Variants in FAM234B observed in about 807,000 individuals in gnomAD.
FAM234B encodes the protein protein FAM234B.
FAM234B carries 33 observed loss-of-function variants against 69.3 expected under a neutral mutation model. The ratio of observed to expected loss-of-function variants is 0.48; its 90% CI spans 0.36 to 0.64. The LOEUF (loss-of-function observed/expected upper bound fraction) is 0.64, where lower values mean the gene tolerates loss of function less well. FAM234B is among the 30% of genes least tolerant of loss of function. The probability of loss-of-function intolerance (pLI) is 0.00; values close to 1 mark genes in which losing one functional copy is unlikely to be tolerated. For missense variants in FAM234B, 697 were observed against 769.7 expected, an observed-to-expected ratio of 0.91 and a Z score of 1.12; for synonymous variants, 306 against 306.9, an observed-to-expected ratio of 1.00 and a Z score of 0.03.
chr12:13,069,679 A>G (rs985479490), intron 9 of FAM234B, among the ~76,000 whole-genome samples: 1 of 152,106 alleles, frequency 6.6e-6, no homozygotes, highest in Non-Finnish European at 1.5e-5. Flanking sequence ...AGAGCAGAGA[A>G]AAGGTTTGCT....
At position 13,067,131 on chromosome 12, in the gene FAM234B, G is replaced by T. The variant is rs778837714; in HGVS notation, c.1001-24G>T. On this transcript the variant is annotated intron_variant, in intron 6 of 12. Transcript: ENST00000197268. This position sits in a 1 kb window ranked among gnomAD's most constrained non-coding sequence, Gnocchi z 4.7. The stretch of plus-strand genomic sequence containing the variant: ...CAGTTCTGTTAAATTCAACTTCTCA[G>T]TGTTGGTTCTTCTGTGGTGCTAGGA... The T allele has an allele frequency of 6.2e-7, 1 of 1,613,788 alleles. No individual in the cohort carries two copies. The highest frequency in any genetic ancestry group is 2.2e-5 in the East Asian group (1 of 44,878).
rs1035425714 is a variant in FAM234B, at chr12:13,067,957, T to C, written c.1143-347T>C. Reference sequence around the variant, plus strand: ...TGCCATGGGCTGCTGCCCAAGCTCATTGGCAACCTCTGGCCTCCTGTCCAG... The same window carrying C: ...TGCCATGGGCTGCTGCCCAAGCTCACTGGCAACCTCTGGCCTCCTGTCCAG... On this transcript the variant is annotated intron_variant, in intron 7 of 12. Coordinates refer to ENST00000197268, the MANE Select transcript of FAM234B (RefSeq NM_020853.2). This position sits in a 1 kb window ranked among gnomAD's most constrained non-coding sequence, Gnocchi z 4.7. Among the ~76,000 whole-genome samples, 9 of 152,218 alleles carry C rather than the reference T, an allele frequency of 5.9e-5. No individual in the cohort carries two copies. The highest frequency in any genetic ancestry group is 8.8e-5 in the Non-Finnish European group (6 of 68,044).
chr12:13,071,458 G>T, intron 10 of FAM234B, 62 bp downstream of exon 10: 1 of 1,463,530 alleles, frequency 6.8e-7, no homozygotes, highest in South Asian at 1.1e-5. Context: ...GTGCAGGGCT[G>T]ACTGTGTTCT....
intron 1 of FAM234B, among the ~76,000 whole-genome samples, chr12:13,050,812 G>T (rs753418010): frequency 6.6e-6 from 1 of 152,098 alleles, no homozygotes; most frequent in South Asian, 2.1e-4. Flanking sequence ...CAGTGCCTGG[G>T]ACAGTAGGCA....
chr12:13,067,305 G>A lies in FAM234B; in HGVS notation c.1142+9G>A, dbSNP rs781489451. ...CTCATTGATGTTTACAGGTAGGGCA[G>A]ACGTCTGTCCTTGGTCACAGTGAGA... is the stretch of plus-strand genomic sequence containing the variant. On this transcript the variant is annotated intron_variant, in intron 7 of 12. Coordinates refer to ENST00000197268, the MANE Select transcript of FAM234B (RefSeq NM_020853.2). The surrounding 1 kb of genome is among the most constrained non-coding windows in gnomAD (Gnocchi z 4.7). 5 of 1,613,904 alleles carry A rather than the reference G, an allele frequency of 3.1e-6. No individual in the cohort carries two copies. The highest frequency in any genetic ancestry group is 4.2e-6 in the Non-Finnish European group (5 of 1,179,810).
At chr12:13,074,694 G>A (rs951823476) in intron 10 of FAM234B, among the ~76,000 whole-genome samples, 24 of 152,164 alleles carry the variant, frequency 1.6e-4, no homozygotes, top group African/African-American at 5.3e-4. Context: ...GTGTATGGCT[G>A]TTTTCTTCTC....
chr12:13,054,948 C>T (rs1323407407), intron 1 of FAM234B, among the ~76,000 whole-genome samples: 1 of 152,210 alleles, frequency 6.6e-6, no homozygotes, highest in Non-Finnish European at 1.5e-5. Context: ...ACACTGTTTA[C>T]TAAAAGATAG....
chr12:13,053,767 A>C (rs1168167997), intron 1 of FAM234B, among the ~76,000 whole-genome samples: 1 of 152,160 alleles, frequency 6.6e-6, no homozygotes, highest in African/African-American at 2.4e-5. Context: ...CCAGGCTGGA[A>C]TTTCCCAATC....
chr12:13,048,223 A>C (rs2120438363), intron 1 of FAM234B, among the ~76,000 whole-genome samples: 1 of 152,242 alleles, frequency 6.6e-6, no homozygotes, highest in East Asian at 1.9e-4. Flanking sequence ...CTTTTTAGAT[A>C]TTGCTCCGCT....
chr12:13,068,501 TA>T, intron 8 of FAM234B, 54 bp downstream of exon 8: 1 of 1,604,316 alleles, frequency 6.2e-7, no homozygotes, highest in Non-Finnish European at 8.5e-7. Context: ...TTCCCATGTT[TA>T]AAAATTGTCC....
intron 1 of FAM234B, among the ~76,000 whole-genome samples, chr12:13,051,186 G>T (rs944975556): frequency 7.2e-5 from 11 of 152,142 alleles, no homozygotes; most frequent in African/African-American, 2.7e-4. Flanking sequence ...CTCAAAGAAT[G>T]CTTCAAATTG....
rs745567169 is a variant in FAM234B, at chr12:13,076,011, G to C, written c.1525-15G>C. 1.3e-6 allele frequency: 2 copies of C among 1,586,962 alleles called. No individual in the cohort carries two copies. Among genetic ancestry groups the C allele is most frequent in the Non-Finnish European group, 1.7e-6 (2 of 1,155,644 alleles). On this transcript the variant is annotated splice_polypyrimidine_tract_variant and intron_variant, in intron 10 of 12. Transcript: ENST00000197268. ...AGCGTTACCTTTGCTCTTCCTTTTT[G>C]CTGCTTATTATCAGGATATCATCCT...
Position 13,054,003 on chromosome 12 carries a change from G to A in FAM234B, c.38-1548G>A, listed in dbSNP as rs191551075. Among the ~76,000 whole-genome samples the A allele has an allele frequency of 1.2e-3, 189 of 152,256 alleles. 1 individual carries two copies. Among genetic ancestry groups the A allele is most frequent in the Middle Eastern group, 3.4e-3 (1 of 294 alleles). On this transcript the variant is annotated intron_variant, in intron 1 of 12. Transcript: ENST00000197268. ...AGAAAAATATGGCTCTATTCTACCC[G>A]ACCCCGCAGGCAGTCAGACCTTATG...
At position 13,055,762 on chromosome 12, in the gene FAM234B, C is replaced by T; in HGVS notation, c.249C>T (p.Pro83=). ...CAGAAGTCACCACGGAGGGCTACCC[C>T]TCAGAACCCCTTGGGGGCCTGGAAC... ...HLSEVTTEGY[P]SEPLGGLEQK... The change falls in exon 2 of 13, where the codon CCC becomes CCT. Residue 83 remains proline, a synonymous_variant. Coordinates refer to ENST00000197268, the MANE Select transcript of FAM234B (RefSeq NM_020853.2). 1 of 1,614,238 alleles carries T rather than the reference C, an allele frequency of 6.2e-7. No individual in the cohort carries two copies. The highest frequency in any genetic ancestry group is 2.2e-5 in the East Asian group (1 of 44,882).
At chr12:13,062,590 G>A in intron 4 of FAM234B, 1 of 344,398 alleles carries the variant, frequency 2.9e-6, no homozygotes, top group Non-Finnish European at 5.4e-6. Context: ...AAAGGATTTA[G>A]CACCTCCATT....
At position 13,080,821 on chromosome 12, in the gene FAM234B, C is replaced by T; in HGVS notation, c.*191C>T. The T allele has an allele frequency of 1.9e-6, 1 of 519,904 alleles. No homozygotes were observed. The highest frequency in any genetic ancestry group is 3.4e-6 in the Non-Finnish European group (1 of 295,494). 32.2% of individuals were successfully genotyped at this position (519,904 alleles called of 1,614,324 possible). A position where few individuals can be genotyped will look rare whatever the true frequency, so the allele number is the denominator to read the frequency against. ...AGCATGATCTATTTGGCTGGGGCATCTTACCTACCTTTTCAGTCCCTGCAT... is the reference window on the plus strand; with the variant it reads ...AGCATGATCTATTTGGCTGGGGCATTTTACCTACCTTTTCAGTCCCTGCAT... On this transcript the variant is annotated 3_prime_UTR_variant, in exon 13 of 13. Coordinates refer to ENST00000197268, the MANE Select transcript of FAM234B (RefSeq NM_020853.2).
At chr12:13,062,801 G>C in intron 4 of FAM234B, 44 bp from the exon 5 acceptor site, 1 of 1,606,186 alleles carries the variant, frequency 6.2e-7, no homozygotes, top group Non-Finnish European at 8.5e-7. Flanking sequence ...CTTTTCCAAA[G>C]GCAAGAAGTT....
rs147452374 is a variant in FAM234B at position 13,050,767 on chromosome 12, G to A, written c.38-4784G>A. On this transcript the variant is annotated intron_variant, in intron 1 of 12. Transcript: ENST00000197268. Reference sequence around the variant, plus strand: ...ATCTACCATATAAGATTGATGTGAGGATTAAATGAATTAACACATGCAAAA... The same window carrying A: ...ATCTACCATATAAGATTGATGTGAGAATTAAATGAATTAACACATGCAAAA... Among the ~76,000 whole-genome samples, 23 of 152,210 alleles carry A rather than the reference G, an allele frequency of 1.5e-4. No homozygotes were observed. The East Asian group carries it at 3.7e-3, about 24-fold the overall frequency.
intron 1 of FAM234B, among the ~76,000 whole-genome samples, chr12:13,051,241 G>C (rs1478939580): frequency 6.6e-6 from 1 of 152,160 alleles, no homozygotes; most frequent in Admixed American, 6.5e-5. Flanking sequence ...TGTAGCATAT[G>C]CTTCTCTTCC....
Sources: gnomAD v4.1 joint callset for allele counts (sites outside exome capture counted in the v4.1 genomes callset) on GRCh38, gnomAD v4.1.1 for gene constraint, Gnocchi (gnomAD v3.1) non-coding constraint, MANE v1.5 for transcripts, NCBI Gene and HGNC (gene_info 2026-07-23, HGNC 2026-07-21) for gene names.